CYP39A1: variants seen among roughly 807,000 people sequenced by gnomAD.
CYP39A1 encodes 24-hydroxycholesterol 7-alpha-hydroxylase.
CYP39A1 carries 49 observed loss-of-function variants against 58.1 expected under a neutral mutation model. The observed-to-expected ratio is 0.84, with a 90% CI of 0.67 to 1.07. The LOEUF (loss-of-function observed/expected upper bound fraction) is 1.07, where lower values mean the gene tolerates loss of function less well. CYP39A1 is among the 50% of genes least tolerant of loss of function. The pLI, the probability that CYP39A1 is intolerant of heterozygous loss-of-function variation, is 0.00. For missense variants in CYP39A1, 531 were observed against 539.4 expected (o/e 0.98, Z 0.16); for synonymous variants, 209 against 187.6 (o/e 1.11, Z -0.93).
intron 10 of CYP39A1, among the ~76,000 whole-genome samples, chr6:46,563,868 G>A (rs1771110406): frequency 6.6e-6 from 1 of 152,108 alleles, no homozygotes; most frequent in Non-Finnish European, 1.5e-5. Flanking sequence ...TAAGGCTGGT[G>A]TCAGATTATG....
intron 10 of CYP39A1, among the ~76,000 whole-genome samples, chr6:46,555,349 A>G (rs1770620499): frequency 6.6e-6 from 1 of 152,190 alleles, no homozygotes; most frequent in South Asian, 2.1e-4. Flanking sequence ...CATCTTAGCC[A>G]CAGCTGCTAC....
At chr6:46,609,762 TA>T (rs1306053781) in intron 7 of CYP39A1, among the ~76,000 whole-genome samples, 1 of 152,168 alleles carries the variant, frequency 6.6e-6, no homozygotes, top group African/African-American at 2.4e-5. Flanking sequence ...AAATTCAATA[TA>T]AAAATCAATA....
At position 46,616,953 on chromosome 6, in the gene CYP39A1, C is replaced by T. The variant is rs140014412; in HGVS notation, c.931+8465G>A. 2.7e-3 allele frequency among the ~76,000 whole-genome samples: 408 copies of T among 152,054 alleles called. 3 individuals are homozygous for T. Among genetic ancestry groups the T allele is most frequent in the African/African-American group, 9.5e-3 (392 of 41,468 alleles). ...GAAGTTGAACCCACCAAGAGATTGG[C>T]GATCGATCAATGGAACAAAATCTTA... On this transcript the variant is annotated intron_variant, in intron 7 of 11. Coordinates refer to ENST00000275016, the MANE Select transcript of CYP39A1 (RefSeq NM_016593.5).
At chr6:46,643,876 G>A (rs913521581) in intron 1 of CYP39A1, among the ~76,000 whole-genome samples, 5 of 152,154 alleles carry the variant, frequency 3.3e-5, no homozygotes, top group Non-Finnish European at 7.3e-5. Flanking sequence ...CACACGGTAT[G>A]TTGTAGAAGT....
chr6:46,553,965 C>A, intron 10 of CYP39A1, 111 bp from the exon 11 acceptor site: 1 of 692,892 alleles, frequency 1.4e-6, no homozygotes, highest in Non-Finnish European at 2.4e-6. Context: ...CTCTTCTTTA[C>A]AATATACTCT....
chr6:46,574,193 C>T (rs1374485355), intron 10 of CYP39A1, among the ~76,000 whole-genome samples: 1 of 152,156 alleles, frequency 6.6e-6, no homozygotes, highest in Non-Finnish European at 1.5e-5. Flanking sequence ...AATAGCTGCA[C>T]CAGTTTCTGG....
At chr6:46,607,755 C>G (rs1183392953) in intron 7 of CYP39A1, among the ~76,000 whole-genome samples, 1 of 152,002 alleles carries the variant, frequency 6.6e-6, no homozygotes, top group Non-Finnish European at 1.5e-5. Flanking sequence ...GAATGAAAAT[C>G]AGAATGAAAA....
chr6:46,608,199 T>C (rs1229496438), intron 7 of CYP39A1, among the ~76,000 whole-genome samples: 1 of 152,200 alleles, frequency 6.6e-6, no homozygotes, highest in East Asian at 1.9e-4. Context: ...TATTCAATAG[T>C]TTTGGAAAAT....
chr6:46,564,854 C>T (rs184930232), intron 10 of CYP39A1, among the ~76,000 whole-genome samples: 17 of 152,210 alleles, frequency 1.1e-4, no homozygotes, highest in African/African-American at 3.6e-4. Flanking sequence ...GATCTTGCCC[C>T]GGAATTCAGA....
intron 8 of CYP39A1, among the ~76,000 whole-genome samples, chr6:46,594,856 T>C (rs1471950088): frequency 2.6e-5 from 4 of 151,438 alleles, no homozygotes; most frequent in African/African-American, 4.8e-5. Context: ...AAAGAAACAG[T>C]CAACAGAATG....
At chr6:46,587,196 T>A in intron 9 of CYP39A1, 31 bp from the exon 10 acceptor site, 1 of 1,396,692 alleles carries the variant, frequency 7.2e-7, no homozygotes, top group Non-Finnish European at 1.0e-6. Context: ...TTTTTCCAAA[T>A]CAGCCTTATA....
intron 10 of CYP39A1, among the ~76,000 whole-genome samples, chr6:46,567,155 C>G (rs1044276009): frequency 4.6e-5 from 7 of 152,132 alleles, no homozygotes; most frequent in African/African-American, 1.7e-4. Context: ...CCCCCAACCC[C>G]TGGTAACCAC....
chr6:46,630,153 T>A (rs1350677705), intron 6 of CYP39A1, among the ~76,000 whole-genome samples: 1 of 151,632 alleles, frequency 6.6e-6, no homozygotes, highest in Non-Finnish European at 1.5e-5. Context: ...AAAAAACAGT[T>A]TTTTAAGTCT....
At chr6:46,649,374 C>T (rs1416287356) in intron 1 of CYP39A1, among the ~76,000 whole-genome samples, 1 of 152,146 alleles carries the variant, frequency 6.6e-6, no homozygotes, top group African/African-American at 2.4e-5. Context: ...ATATTGTGTT[C>T]ATTAGAGGTG....
intron 10 of CYP39A1, among the ~76,000 whole-genome samples, chr6:46,575,219 T>C (rs1243762077): frequency 1.3e-5 from 2 of 152,118 alleles, no homozygotes; most frequent in East Asian, 1.9e-4. Flanking sequence ...AATTCCAGCC[T>C]GGAAAGAGCC....
intron 8 of CYP39A1, among the ~76,000 whole-genome samples, chr6:46,592,774 G>C (rs1481094690): frequency 2.0e-5 from 3 of 152,110 alleles, no homozygotes; most frequent in African/African-American, 7.2e-5. Flanking sequence ...TGGCCAACAT[G>C]GTGAAATCCT....
intron 8 of CYP39A1, among the ~76,000 whole-genome samples, chr6:46,591,108 A>G (rs1472070742): frequency 6.6e-6 from 1 of 152,126 alleles, no homozygotes; most frequent in Non-Finnish European, 1.5e-5. Flanking sequence ...TATATTTCTA[A>G]CTATAATTTA....
At chr6:46,562,298 T>G (rs1771024414) in intron 10 of CYP39A1, among the ~76,000 whole-genome samples, 1 of 151,966 alleles carries the variant, frequency 6.6e-6, no homozygotes, top group Non-Finnish European at 1.5e-5. Flanking sequence ...GCTGGGATTA[T>G]AGGCATGAGC....
At chr6:46,630,866 T>C in intron 6 of CYP39A1, 97 bp downstream of exon 6, 1 of 974,178 alleles carries the variant, frequency 1.0e-6, no homozygotes, top group East Asian at 2.4e-5. Flanking sequence ...CCATAATGAG[T>C]GATGAGTGGA....
Sources: gnomAD v4.1 joint callset for allele counts (sites outside exome capture counted in the v4.1 genomes callset) on GRCh38, gnomAD v4.1.1 for gene constraint, MANE v1.5 for transcripts, NCBI Gene and HGNC (gene_info 2026-07-23, HGNC 2026-07-21) for gene names.